KCNH8: variants seen among roughly 807,000 people sequenced by gnomAD.
KCNH8 encodes the protein voltage-gated delayed rectifier potassium channel KCNH8.
Under a neutral mutation model 103.6 loss-of-function variants are expected in KCNH8, and 70 were observed. The ratio of observed to expected loss-of-function variants is 0.68; its 90% CI spans 0.56 to 0.82. The LOEUF (loss-of-function observed/expected upper bound fraction) is 0.82, where lower values mean the gene tolerates loss of function less well. Ranked by LOEUF, KCNH8 falls within the 40% of genes least tolerant of loss-of-function variation. The probability of loss-of-function intolerance (pLI) is 0.00; values close to 1 mark genes in which losing one functional copy is unlikely to be tolerated. For synonymous variants in KCNH8, 498 were observed against 489.4 expected, an observed-to-expected ratio of 1.02 and a Z score of -0.23; for missense variants, 1,217 against 1,329.9, an observed-to-expected ratio of 0.92 and a Z score of 1.32.
intron 5 of KCNH8, among the ~76,000 whole-genome samples, chr3:19,355,892 A>G (rs544594929): frequency 5.9e-4 from 90 of 151,360 alleles, no homozygotes; most frequent in Non-Finnish European, 1.1e-3. Context: ...TAAAATATAT[A>G]TATATATTTA....
chr3:19,311,500 T>C (rs2065208403), intron 3 of KCNH8, among the ~76,000 whole-genome samples: 1 of 151,316 alleles, frequency 6.6e-6, no homozygotes, highest in Non-Finnish European at 1.5e-5. Flanking sequence ...ATTAAATATA[T>C]ATTTAATTAT....
intron 11 of KCNH8, among the ~76,000 whole-genome samples, chr3:19,509,659 T>G (rs2068750625): frequency 6.6e-6 from 1 of 152,190 alleles, no homozygotes; most frequent in Non-Finnish European, 1.5e-5. Flanking sequence ...GAAATTTAAA[T>G]CTGTCTTACA....
At chr3:19,207,936 T>C (rs1453219906) in intron 1 of KCNH8, among the ~76,000 whole-genome samples, 1 of 152,032 alleles carries the variant, frequency 6.6e-6, no homozygotes, top group Non-Finnish European at 1.5e-5. Flanking sequence ...GAAATTTTAA[T>C]GTAATTGGTA....
chr3:19,484,902 C>CCATA (rs1246027445), intron 11 of KCNH8, among the ~76,000 whole-genome samples: 1 of 151,836 alleles, frequency 6.6e-6, no homozygotes, highest in Non-Finnish European at 1.5e-5. Flanking sequence ...AGGAGGAGGC[C>CCATA]TATGATACAG....
At chr3:19,372,501 G>C (rs1471021920) in intron 5 of KCNH8, among the ~76,000 whole-genome samples, 1 of 152,016 alleles carries the variant, frequency 6.6e-6, no homozygotes, top group East Asian at 1.9e-4. Flanking sequence ...ATCAGCTTAA[G>C]GAGATTTTGG....
chr3:19,381,050 ATAAC>A (rs148753818), intron 5 of KCNH8, among the ~76,000 whole-genome samples: 1,730 of 152,310 alleles, frequency 0.011, 34 homozygotes, highest in African/African-American at 0.039. Flanking sequence ...CCTCGTATTT[ATAAC>A]TAAATCATCT....
At chr3:19,177,520 T>C (rs1390943745) in intron 1 of KCNH8, among the ~76,000 whole-genome samples, 1 of 152,104 alleles carries the variant, frequency 6.6e-6, no homozygotes, top group Non-Finnish European at 1.5e-5. Flanking sequence ...CTACTTATTA[T>C]TGGTTTTAGG....
At chr3:19,339,748 G>A (rs983611878) in intron 3 of KCNH8, among the ~76,000 whole-genome samples, 4 of 151,932 alleles carry the variant, frequency 2.6e-5, no homozygotes, top group South Asian at 2.1e-4. Context: ...AGACTTTTGC[G>A]GTGAATTAAA....
At chr3:19,290,410 G>T (rs888454454) in intron 3 of KCNH8, among the ~76,000 whole-genome samples, 2 of 152,118 alleles carry the variant, frequency 1.3e-5, no homozygotes, top group Non-Finnish European at 2.9e-5. Context: ...ATTATTTTGA[G>T]ATAACGTCCC....
At chr3:19,374,415 G>T (rs1356961136) in intron 5 of KCNH8, among the ~76,000 whole-genome samples, 2 of 151,740 alleles carry the variant, frequency 1.3e-5, no homozygotes, top group African/African-American at 4.9e-5. Context: ...TGTTTTATCA[G>T]AGACTAGGAT....
chr3:19,265,485 C>A (rs1367342986), intron 2 of KCNH8, among the ~76,000 whole-genome samples: 2 of 151,930 alleles, frequency 1.3e-5, no homozygotes, highest in Non-Finnish European at 1.5e-5. Flanking sequence ...TTCTTTCCAC[C>A]CCTGATATTC....
At chr3:19,526,323 C>G (rs906031167) in intron 15 of KCNH8, among the ~76,000 whole-genome samples, 1 of 151,936 alleles carries the variant, frequency 6.6e-6, no homozygotes, top group Admixed American at 6.6e-5. Flanking sequence ...CTCTGCCTAT[C>G]AACGGAAGTT....
chr3:19,149,402 G>GA (rs1226996420), intron 1 of KCNH8, among the ~76,000 whole-genome samples: 1 of 151,772 alleles, frequency 6.6e-6, no homozygotes, highest in East Asian at 1.9e-4. Context: ...GGCTGTTCAG[G>GA]AAGAAGGACA....
At chr3:19,254,326 G>C (rs2064319277) in intron 2 of KCNH8, among the ~76,000 whole-genome samples, 1 of 151,802 alleles carries the variant, frequency 6.6e-6, no homozygotes, top group African/African-American at 2.4e-5. Context: ...TGCAAAAAAG[G>C]AAGTCAGTTA....
intron 2 of KCNH8, among the ~76,000 whole-genome samples, chr3:19,255,723 G>C (rs1315622365): frequency 6.6e-6 from 1 of 151,832 alleles, no homozygotes; most frequent in East Asian, 1.9e-4. Flanking sequence ...CTAAGATGTT[G>C]CTAAAGTTTA....
At chr3:19,505,399 G>A (rs566052195) in intron 11 of KCNH8, among the ~76,000 whole-genome samples, 2 of 152,126 alleles carry the variant, frequency 1.3e-5, no homozygotes, top group African/African-American at 2.4e-5. Context: ...TCAAACCCCC[G>A]TGACACAAGT....
intron 11 of KCNH8, among the ~76,000 whole-genome samples, chr3:19,459,495 A>G (rs984271120): frequency 7.9e-5 from 12 of 152,042 alleles, no homozygotes; most frequent in African/African-American, 2.9e-4. Flanking sequence ...TGTATTTTGC[A>G]TATTAACTCC....
rs151112283 is a variant in KCNH8, at chr3:19,450,086, T to A, written c.1376-20T>A. The A allele has an allele frequency of 5.9e-4, 945 of 1,606,216 alleles. 6 individuals are homozygous for A. In the African/African-American group the frequency reaches 0.011, roughly 18 times the overall value. Reference sequence around the variant, plus strand: ...CATGTCACATTTCTCTTCCATTATATACTGTGTTGTTCTTTCTAGCCTTGA... The same window carrying A: ...CATGTCACATTTCTCTTCCATTATAAACTGTGTTGTTCTTTCTAGCCTTGA... On this transcript the variant is annotated intron_variant, in intron 8 of 15. Transcript: ENST00000328405.
At chr3:19,328,267 A>G (rs2065458783) in intron 3 of KCNH8, among the ~76,000 whole-genome samples, 2 of 152,156 alleles carry the variant, frequency 1.3e-5, no homozygotes, top group Admixed American at 1.3e-4. Context: ...CCTTTTGCCA[A>G]ATAAACTATC....
Sources: allele counts gnomAD v4.1 joint callset (sites outside exome capture counted in the v4.1 genomes callset), GRCh38; gene constraint gnomAD v4.1.1; transcripts MANE v1.5; gene names NCBI Gene and HGNC (gene_info 2026-07-23, HGNC 2026-07-21).